Variants in DSCAML1 observed in about 807,000 individuals in gnomAD.
DSCAML1 encodes cell adhesion molecule DSCAML1.
DSCAML1 carries 38 observed loss-of-function variants against 200.5 expected under a neutral mutation model. The ratio of observed to expected loss-of-function variants is 0.19; its 90% confidence interval spans 0.15 to 0.25. The LOEUF (loss-of-function observed/expected upper bound fraction) is 0.25. Among genes scored for constraint, DSCAML1 ranks in the 10% least tolerant of loss-of-function variants. The pLI is 1.00. For synonymous variants in DSCAML1, 1,215 were observed against 1,165.0 expected, an observed-to-expected ratio of 1.04 and a Z score of -0.87; for missense variants, 2,223 against 2,858.8, an observed-to-expected ratio of 0.78 and a Z score of 5.07.
rs1325529216 is a variant in DSCAML1, at chr11:117,465,349, G to A, written c.3025-167C>T. Among the ~76,000 whole-genome samples, 4 of 152,154 alleles carry A rather than the reference G, an allele frequency of 2.6e-5. No individual in the cohort carries two copies. In the East Asian group the frequency reaches 7.7e-4, roughly 29 times the overall value. On this transcript the variant is annotated intron_variant, in intron 16 of 32. Coordinates refer to ENST00000651296, the MANE Select transcript of DSCAML1 (RefSeq NM_020693.4). Reference sequence around the variant, plus strand: ...TTACAATGGCTACTCTACCCTGTGTGACCCGACCTCCCATTACCTCTCAGA... The same window carrying A: ...TTACAATGGCTACTCTACCCTGTGTAACCCGACCTCCCATTACCTCTCAGA...
intron 3 of DSCAML1, among the ~76,000 whole-genome samples, chr11:117,761,984 A>G (rs1424124181): frequency 1.3e-5 from 2 of 152,220 alleles, no homozygotes; most frequent in East Asian, 3.8e-4. Flanking sequence ...TGCCTGGCAC[A>G]TGGCAAGTGC....
At chr11:117,645,590 G>A (rs962001898) in intron 3 of DSCAML1, among the ~76,000 whole-genome samples, 2 of 152,018 alleles carry the variant, frequency 1.3e-5, no homozygotes, top group African/African-American at 4.8e-5. Flanking sequence ...ACGAGTTCAT[G>A]TCTTTTGTAG....
intron 3 of DSCAML1, among the ~76,000 whole-genome samples, chr11:117,542,022 C>T (rs547009995): frequency 3.3e-4 from 50 of 152,240 alleles, no homozygotes; most frequent in African/African-American, 1.2e-3. Context: ...ATAGAAGATG[C>T]AATGAGGCCG....
intron 11 of DSCAML1, among the ~76,000 whole-genome samples, chr11:117,501,934 T>C (rs2049403570): frequency 6.6e-6 from 1 of 151,908 alleles, no homozygotes; most frequent in Non-Finnish European, 1.5e-5. Flanking sequence ...GTGACTGGCA[T>C]AGTGGGAAAC....
At chr11:117,791,604 C>A (rs1054727376) in intron 1 of DSCAML1, among the ~76,000 whole-genome samples, 2 of 152,212 alleles carry the variant, frequency 1.3e-5, no homozygotes, top group African/African-American at 4.8e-5. Flanking sequence ...CTGGGCACCC[C>A]AGGGACACTC....
In DSCAML1 at chr11:117,780,304, G is replaced by GAAAAGAAAGAA. The variant is rs71037499; in HGVS notation, c.364+188_364+189insTTCTTTCTTTT. Among the ~76,000 whole-genome samples, 87 of 98,438 alleles carry GAAAAGAAAGAA rather than the reference G, an allele frequency of 8.8e-4. No homozygotes were observed. Among genetic ancestry groups the GAAAAGAAAGAA allele is most frequent in the Non-Finnish European group, 1.7e-3 (75 of 45,040 alleles). 64.6% of individuals were successfully genotyped at this position (98,438 alleles called of 152,430 possible). ...AGAAAGAAAGAAAGAAAGAAAGAAA[G>GAAAAGAAAGAA]AGAGAAAGGAGAAAGAAAGGTGTCT... is the stretch of plus-strand genomic sequence containing the variant. On this transcript the variant is annotated intron_variant, in intron 2 of 32. Transcript: ENST00000651296. This position sits in a 1 kb window ranked among gnomAD's most constrained non-coding sequence, Gnocchi z 4.8.
intron 3 of DSCAML1, among the ~76,000 whole-genome samples, chr11:117,726,645 G>A (rs918269253): frequency 1.3e-5 from 2 of 152,156 alleles, no homozygotes; most frequent in South Asian, 2.1e-4. Flanking sequence ...CTCTTTCTTC[G>A]CAAGATCTAG....
chr11:117,698,867 T>A (rs937134139), intron 3 of DSCAML1, among the ~76,000 whole-genome samples: 4 of 152,330 alleles, frequency 2.6e-5, no homozygotes, highest in Middle Eastern at 3.4e-3. Flanking sequence ...GACAGCGGGA[T>A]GCTCTGAGGG....
chr11:117,552,773 G>T (rs1220698591), intron 3 of DSCAML1, among the ~76,000 whole-genome samples: 3 of 152,176 alleles, frequency 2.0e-5, no homozygotes, highest in African/African-American at 7.2e-5. Context: ...GCGGGCCAGG[G>T]CTTGCACCTT....
At chr11:117,547,673 C>T (rs998971407) in intron 3 of DSCAML1, among the ~76,000 whole-genome samples, 2 of 152,214 alleles carry the variant, frequency 1.3e-5, no homozygotes, top group Admixed American at 6.5e-5. Context: ...GCTCTGCTGC[C>T]GTTTAGCAAG....
Position 117,513,522 on chromosome 11 carries a change from C to G in DSCAML1, c.1783+2945G>C, listed in dbSNP as rs566125985. Among the ~76,000 whole-genome samples the G allele has an allele frequency of 3.1e-4, 47 of 152,220 alleles. 1 individual carries two copies. In the South Asian group the frequency reaches 9.8e-3, roughly 32 times the overall value. ...TTGGGAGGCCAAGGTGTGTGGATCA[C>G]CTGAGGTCAGGAGTCCGAGACCAGC... On this transcript the variant is annotated intron_variant, in intron 8 of 32. Transcript: ENST00000651296.
At chr11:117,545,889 G>A (rs1345273056) in intron 3 of DSCAML1, among the ~76,000 whole-genome samples, 2 of 152,354 alleles carry the variant, frequency 1.3e-5, no homozygotes, top group South Asian at 2.1e-4. Context: ...TGGTCAGAGC[G>A]CAGATGTCAA....
At chr11:117,600,784 G>A (rs1012881877) in intron 3 of DSCAML1, among the ~76,000 whole-genome samples, 1 of 152,196 alleles carries the variant, frequency 6.6e-6, no homozygotes, top group Non-Finnish European at 1.5e-5. Context: ...GGTGTTTCCA[G>A]GCAGGGAGAA....
chr11:117,621,080 ATGGCATC>A (rs2051918580), intron 3 of DSCAML1, among the ~76,000 whole-genome samples: 1 of 152,362 alleles, frequency 6.6e-6, no homozygotes, highest in African/African-American at 2.4e-5. Flanking sequence ...GTCTATGGAC[ATGGCATC>A]TGGGATGATT....
chr11:117,585,305 A>G (rs748592240), intron 3 of DSCAML1, among the ~76,000 whole-genome samples: 1 of 151,828 alleles, frequency 6.6e-6, no homozygotes, highest in Non-Finnish European at 1.5e-5. Flanking sequence ...GCTGGAGTGC[A>G]GTGGCATGAT....
Position 117,463,902 on chromosome 11 carries a change from C to T in DSCAML1, c.3265+1040G>A, listed in dbSNP as rs190425367. On this transcript the variant is annotated intron_variant, in intron 17 of 32. Transcript: ENST00000651296. This position sits in a 1 kb window ranked among gnomAD's most constrained non-coding sequence, Gnocchi z 4.0. ...TATTTTGAAAGTTCCCCAGATAATG[C>T]CAACTGGTGGCCAGCGTTAGGAACC... Among the ~76,000 whole-genome samples, 1 of 152,314 alleles carries T rather than the reference C, an allele frequency of 6.6e-6. No individual in the cohort carries two copies. The highest frequency in any genetic ancestry group is 2.4e-5 in the African/African-American group (1 of 41,554).
chr11:117,571,494 C>G (rs556651355), intron 3 of DSCAML1, among the ~76,000 whole-genome samples: 1 of 152,302 alleles, frequency 6.6e-6, no homozygotes, highest in South Asian at 2.1e-4. Flanking sequence ...TCCTGGAGCA[C>G]TAGCCTTCAT....
intron 3 of DSCAML1, among the ~76,000 whole-genome samples, chr11:117,757,620 A>ACACACACACACAC (rs1565266292): frequency 7.2e-6 from 1 of 139,290 alleles, no homozygotes; most frequent in Non-Finnish European, 1.6e-5. Context: ...ACACACACAC[A>ACACACACACACAC]ATTATTTTTC....
At chr11:117,692,312 C>T (rs1333380202) in intron 3 of DSCAML1, among the ~76,000 whole-genome samples, 5 of 152,084 alleles carry the variant, frequency 3.3e-5, no homozygotes, top group Non-Finnish European at 7.4e-5. Flanking sequence ...GAGACCCCCA[C>T]CTTTTGCCTG....
Sources: allele counts gnomAD v4.1 joint callset (sites outside exome capture counted in the v4.1 genomes callset), GRCh38; gene constraint gnomAD v4.1.1; non-coding constraint Gnocchi (gnomAD v3.1); transcripts MANE v1.5; gene names NCBI Gene and HGNC (gene_info 2026-07-23, HGNC 2026-07-21).